Variants in CNTNAP2 observed in about 807,000 individuals in gnomAD.
The protein encoded by CNTNAP2 is contactin associated protein 2.
A neutral mutation model predicts 155.2 loss-of-function variants in CNTNAP2; 98 were observed. That is an observed-to-expected ratio of 0.63 (90% CI 0.54 to 0.75). The LOEUF is 0.75. Ranked by LOEUF, CNTNAP2 falls within the 30% of genes least tolerant of loss-of-function variation. CNTNAP2 has a pLI of 0.00. For synonymous variants in CNTNAP2, 651 were observed against 631.2 expected (o/e 1.03, Z -0.47); for missense variants, 1,727 against 1,688.1 (o/e 1.02, Z -0.40).
chr7:147,920,350 C>T (rs1447852130), intron 14 of CNTNAP2, among the ~76,000 whole-genome samples: 1 of 87,312 alleles, frequency 1.1e-5, no homozygotes. Context: ...AGGGAGACTC[C>T]GTCTCAAAAA....
chr7:147,588,956 GGTATAT>G (rs1184347650), intron 12 of CNTNAP2, among the ~76,000 whole-genome samples: 3 of 152,080 alleles, frequency 2.0e-5, no homozygotes, highest in Non-Finnish European at 4.4e-5. Context: ...GCATTATAAG[GGTATAT>G]GTTGATTACT....
chr7:146,241,386 A>T (rs1366396056), intron 1 of CNTNAP2, among the ~76,000 whole-genome samples: 2 of 152,226 alleles, frequency 1.3e-5, no homozygotes, highest in Non-Finnish European at 2.9e-5. Flanking sequence ...TATATAGGCC[A>T]TCACATAAAA....
At chr7:146,443,035 T>A (rs1250122639) in intron 1 of CNTNAP2, among the ~76,000 whole-genome samples, 1 of 151,088 alleles carries the variant, frequency 6.6e-6, no homozygotes, top group Non-Finnish European at 1.5e-5. Context: ...TGAAACCCCG[T>A]TTCTACTAAA....
intron 1 of CNTNAP2, among the ~76,000 whole-genome samples, chr7:146,188,649 A>G (rs1033886615): frequency 7.9e-5 from 12 of 152,188 alleles, no homozygotes; most frequent in Non-Finnish European, 1.2e-4. Context: ...TGATTCTCTT[A>G]ATATGAGACA....
chr7:147,346,737 T>TTTTA (rs1277863245), intron 9 of CNTNAP2, among the ~76,000 whole-genome samples: 6 of 152,176 alleles, frequency 3.9e-5, no homozygotes, highest in East Asian at 1.9e-4. Flanking sequence ...TGTTTCTTCT[T>TTTTA]TTTATTTATT....
chr7:147,175,181 A>C (rs1250679463), intron 8 of CNTNAP2, among the ~76,000 whole-genome samples: 1 of 152,186 alleles, frequency 6.6e-6, no homozygotes, highest in Non-Finnish European at 1.5e-5. Flanking sequence ...ATTTGTCTTA[A>C]ATCACCCAGG....
intron 22 of CNTNAP2, among the ~76,000 whole-genome samples, chr7:148,385,213 C>T (rs1234489827): frequency 6.6e-6 from 1 of 152,196 alleles, no homozygotes; most frequent in Non-Finnish European, 1.5e-5. Context: ...AACCCATTTA[C>T]AGACGAAACA....
intron 1 of CNTNAP2, among the ~76,000 whole-genome samples, chr7:146,652,949 T>C (rs1292220173): frequency 6.6e-6 from 1 of 152,124 alleles, no homozygotes; most frequent in Non-Finnish European, 1.5e-5. Flanking sequence ...CTGGAACCAA[T>C]ATGGTTGAAA....
intron 1 of CNTNAP2, among the ~76,000 whole-genome samples, chr7:146,439,949 C>T (rs1796297496): frequency 6.6e-6 from 1 of 151,412 alleles, no homozygotes; most frequent in South Asian, 2.1e-4. Flanking sequence ...CATTGTGAAA[C>T]CCTGTCTCTA....
chr7:146,838,883 G>A (rs1803667114), intron 2 of CNTNAP2, among the ~76,000 whole-genome samples: 1 of 152,094 alleles, frequency 6.6e-6, no homozygotes, highest in Admixed American at 6.6e-5. Context: ...TGAACTCACT[G>A]TAAAAATTAT....
At chr7:146,463,254 T>C (rs1175758942) in intron 1 of CNTNAP2, among the ~76,000 whole-genome samples, 1 of 152,208 alleles carries the variant, frequency 6.6e-6, no homozygotes, top group African/African-American at 2.4e-5. Flanking sequence ...AGGGCTTTGT[T>C]ATATTAAATG....
chr7:146,672,016 A>G, intron 1 of CNTNAP2, among the ~76,000 whole-genome samples: 1 of 152,038 alleles, frequency 6.6e-6, no homozygotes, highest in South Asian at 2.1e-4. Flanking sequence ...GGGTTTCACC[A>G]TCTTGGCCAG....
chr7:148,226,869 T>C (rs185270749), intron 19 of CNTNAP2, among the ~76,000 whole-genome samples: 2 of 151,612 alleles, frequency 1.3e-5, no homozygotes, highest in East Asian at 3.9e-4. Flanking sequence ...CCAAGTGCAC[T>C]TCCTTTCTAA....
At chr7:148,037,291 A>G (rs1802588678) in intron 15 of CNTNAP2, among the ~76,000 whole-genome samples, 1 of 152,200 alleles carries the variant, frequency 6.6e-6, no homozygotes, top group African/African-American at 2.4e-5. Context: ...GGCAATCTTC[A>G]TGTAAAGAAT....
chr7:147,851,359 T>C (rs564563110), intron 13 of CNTNAP2, among the ~76,000 whole-genome samples: 92 of 152,308 alleles, frequency 6.0e-4, no homozygotes, highest in African/African-American at 2.1e-3. Flanking sequence ...TGGAAGACAG[T>C]GTGGTGATTC....
intron 14 of CNTNAP2, among the ~76,000 whole-genome samples, chr7:147,911,749 T>C (rs1447999720): frequency 1.3e-5 from 2 of 152,230 alleles, no homozygotes; most frequent in Non-Finnish European, 2.9e-5. Context: ...TATAATGTCC[T>C]TAAGTTTTGC....
chr7:147,055,042 T>C (rs1236334133), intron 4 of CNTNAP2, among the ~76,000 whole-genome samples: 1 of 152,156 alleles, frequency 6.6e-6, no homozygotes, highest in Non-Finnish European at 1.5e-5. Flanking sequence ...TACCAATTAA[T>C]GGGGGAATAA....
chr7:146,335,395 A>T (rs7806934), intron 1 of CNTNAP2, among the ~76,000 whole-genome samples: 1 of 152,108 alleles, frequency 6.6e-6, no homozygotes, highest in African/African-American at 2.4e-5. Flanking sequence ...ATGTCCCTCG[A>T]GATTCTTGCT....
chr7:147,111,654 G>A (rs1404944050), intron 5 of CNTNAP2, among the ~76,000 whole-genome samples: 3 of 152,058 alleles, frequency 2.0e-5, no homozygotes, highest in Admixed American at 1.3e-4. Flanking sequence ...TTTTTGTCAG[G>A]TTTGTTGAAG....
Sources: gnomAD v4.1 joint callset for allele counts (sites outside exome capture counted in the v4.1 genomes callset) on GRCh38, gnomAD v4.1.1 for gene constraint, MANE v1.5 for transcripts, NCBI Gene and HGNC (gene_info 2026-07-23, HGNC 2026-07-21) for gene names.